Variants in ZNF532 observed in about 807,000 individuals in gnomAD.
ZNF532 encodes zinc finger protein 532.
In ZNF532, 22 loss-of-function variants were observed where a neutral mutation model predicts 89.3. The ratio of observed to expected loss-of-function variants is 0.25; its 90% CI spans 0.18 to 0.35. ZNF532 has a LOEUF of 0.35. Among genes scored for constraint, ZNF532 ranks in the 10% least tolerant of loss-of-function variants. ZNF532 has a pLI of 1.00. For synonymous variants in ZNF532, 606 were observed against 649.6 expected (o/e 0.93, Z 1.02); for missense variants, 1,132 against 1,643.4 (o/e 0.69, Z 5.38).
At chr18:58,897,817 G>A (rs2059346402) in intron 2 of ZNF532, among the ~76,000 whole-genome samples, 1 of 152,182 alleles carries the variant, frequency 6.6e-6, no homozygotes, top group African/African-American at 2.4e-5. Context: ...GCCAGGAGTA[G>A]TGGCAGGTGC....
At chr18:58,905,563 C>G (rs893171245) in intron 2 of ZNF532, among the ~76,000 whole-genome samples, 2 of 152,116 alleles carry the variant, frequency 1.3e-5, no homozygotes, top group Admixed American at 6.5e-5. Context: ...CCACGCCCAT[C>G]TAAATTTTGT....
At chr18:58,882,619 T>C (rs533483229) in intron 2 of ZNF532, among the ~76,000 whole-genome samples, 1 of 152,292 alleles carries the variant, frequency 6.6e-6, no homozygotes, top group South Asian at 2.1e-4. Context: ...TTATTATTTT[T>C]ATTTTTTGTA....
At chr18:58,920,702 C>T in intron 3 of ZNF532, 69 bp downstream of exon 3, 1 of 1,377,678 alleles carries the variant, frequency 7.3e-7, no homozygotes, top group Non-Finnish European at 9.9e-7. Flanking sequence ...ATAAGATGCC[C>T]TTGATTTTAG....
chr18:58,972,783 A>G (rs1200035938), intron 7 of ZNF532, among the ~76,000 whole-genome samples: 1 of 152,192 alleles, frequency 6.6e-6, no homozygotes, highest in African/African-American at 2.4e-5. Flanking sequence ...ATCCTGCAGG[A>G]AATAAGCAGA....
intron 3 of ZNF532, among the ~76,000 whole-genome samples, chr18:58,930,212 G>T (rs780428139): frequency 6.6e-6 from 1 of 152,122 alleles, no homozygotes; most frequent in Non-Finnish European, 1.5e-5. Flanking sequence ...ATAGAAAGAG[G>T]ATGTCAAGCT....
At chr18:58,975,291 T>C (rs2066916128) in intron 7 of ZNF532, among the ~76,000 whole-genome samples, 2 of 152,188 alleles carry the variant, frequency 1.3e-5, no homozygotes, top group South Asian at 4.1e-4. Context: ...TTAAGGAGGC[T>C]CTTGCATGTT....
In ZNF532 at chr18:58,891,394, A is replaced by C. The variant is rs561280979; in HGVS notation, c.-18+25815A>C. ...AAAATACAAAAATTAGCTGGGCATC[A>C]TGGCGCATGCCTGTCATCCCAGCTA... On this transcript the variant is annotated intron_variant, in intron 2 of 9. Coordinates refer to ENST00000591808, the MANE Select transcript of ZNF532 (RefSeq NM_001375912.1). Among the ~76,000 whole-genome samples the C allele has an allele frequency of 1.6e-4, 25 of 152,278 alleles. No homozygotes were observed. The South Asian group carries it at 4.8e-3, about 29-fold the overall frequency.
At chr18:58,963,603 A>ATGTGTGTGTGTG (rs60644289) in intron 7 of ZNF532, among the ~76,000 whole-genome samples, 28 of 143,772 alleles carry the variant, frequency 1.9e-4, no homozygotes, top group African/African-American at 5.5e-4. Context: ...AAAGAAAAAA[A>ATGTGTGTGTGTG]TGTGTGTGTG....
upstream of ZNF532, chr18:58,864,131 T>C (rs914501721): frequency 6.6e-6 from 1 of 152,020 alleles, no homozygotes; most frequent in African/African-American, 2.4e-5. Context: ...CCTCTCCCAC[T>C]GGCCCTGCCT....
chr18:58,912,912 G>A (rs570503085), intron 2 of ZNF532, among the ~76,000 whole-genome samples: 7 of 152,122 alleles, frequency 4.6e-5, no homozygotes, highest in Admixed American at 2.6e-4. Context: ...CTCCAGAGGC[G>A]CGGCTGATCA....
chr18:58,945,846 G>A (rs1035492394), intron 5 of ZNF532, among the ~76,000 whole-genome samples: 1 of 151,836 alleles, frequency 6.6e-6, no homozygotes, highest in Non-Finnish European at 1.5e-5. Flanking sequence ...CCCTGCCTCA[G>A]CCTGCCAAGT....
In ZNF532 at chr18:58,972,569, G is replaced by A. The variant is rs143204476; in HGVS notation, c.3151-6486G>A. Among the ~76,000 whole-genome samples, 485 of 152,038 alleles carry A rather than the reference G, an allele frequency of 3.2e-3. 1 individual carries two copies. The highest frequency in any genetic ancestry group is 0.011 in the African/African-American group (451 of 41,482). Reference sequence around the variant, plus strand: ...ATTCCCTCAATATCTGGGCCCCTTCGTCACCCACCCACCCCTGACTTTAAT... The same window carrying A: ...ATTCCCTCAATATCTGGGCCCCTTCATCACCCACCCACCCCTGACTTTAAT... On this transcript the variant is annotated intron_variant, in intron 7 of 9. Transcript: ENST00000591808.
intron 2 of ZNF532, among the ~76,000 whole-genome samples, chr18:58,892,982 CTT>C (rs58108717): frequency 1.3e-4 from 18 of 135,212 alleles, no homozygotes; most frequent in Non-Finnish European, 1.7e-4. Flanking sequence ...TTTGTACTTT[CTT>C]TTTTTTTTTT....
At chr18:58,893,587 G>T (rs72959131) in intron 2 of ZNF532, among the ~76,000 whole-genome samples, 10,434 of 150,366 alleles carry the variant, frequency 0.069, 501 homozygotes, top group Admixed American at 0.12. Flanking sequence ...AGCCTGGGAG[G>T]TTGAGACCAC....
intron 2 of ZNF532, among the ~76,000 whole-genome samples, chr18:58,867,955 G>T (rs563868372): frequency 1.5e-4 from 23 of 152,324 alleles, no homozygotes; most frequent in African/African-American, 5.5e-4. Flanking sequence ...GAAGGAGGTT[G>T]CCAACTTGTC....
rs181243372 is a variant in ZNF532 at position 58,907,175 on chromosome 18, T to C, written c.-17-11096T>C. Among the ~76,000 whole-genome samples, 13 of 152,146 alleles carry C rather than the reference T, an allele frequency of 8.5e-5. No individual in the cohort carries two copies. The East Asian group carries it at 2.5e-3, about 29-fold the overall frequency. ...GACCATTAAGGCTGCTGCTGCTGCTTATGAGTTTTTTGTTTGTTTGTTTTT... is the reference window on the plus strand; with the variant it reads ...GACCATTAAGGCTGCTGCTGCTGCTCATGAGTTTTTTGTTTGTTTGTTTTT... On this transcript the variant is annotated intron_variant, in intron 2 of 9. Coordinates refer to ENST00000591808, the MANE Select transcript of ZNF532 (RefSeq NM_001375912.1).
At chr18:58,891,055 A>G (rs1223778895) in intron 2 of ZNF532, among the ~76,000 whole-genome samples, 4 of 152,022 alleles carry the variant, frequency 2.6e-5, no homozygotes, top group Admixed American at 1.3e-4. Flanking sequence ...AGTAGCTAGG[A>G]CTACACACGT....
rs201048236 is a variant in ZNF532, at chr18:58,880,756, GCGCGCA to G, written c.-18+15183_-18+15188del. ...TATATTTGAGCCCTCTCATAGGCGC[GCGCGCA>G]CGCGCGCGCGTCTGTGTGTGTGTGT... On this transcript the variant is annotated intron_variant, in intron 2 of 9. Transcript: ENST00000591808. 2.8e-3 allele frequency among the ~76,000 whole-genome samples: 373 copies of G among 133,016 alleles called. 5 individuals are homozygous for G. Among genetic ancestry groups the G allele is most frequent in the Middle Eastern group, 8.2e-3 (2 of 244 alleles). 87.3% of individuals were successfully genotyped at this position (133,016 alleles called of 152,430 possible).
intron 7 of ZNF532, among the ~76,000 whole-genome samples, chr18:58,968,877 A>G (rs1469564497): frequency 6.6e-6 from 1 of 152,214 alleles, no homozygotes; most frequent in Non-Finnish European, 1.5e-5. Flanking sequence ...CCTCAATCCA[A>G]TTGGCAGACC....
Sources: allele counts gnomAD v4.1 joint callset (sites outside exome capture counted in the v4.1 genomes callset), GRCh38; gene constraint gnomAD v4.1.1; transcripts MANE v1.5; gene names NCBI Gene and HGNC (gene_info 2026-07-23, HGNC 2026-07-21).